Variants in CHD8 observed in about 807,000 individuals in gnomAD.
CHD8 encodes ATP-dependent chromatin remodeler CHD8.
CHD8 carries 31 observed loss-of-function variants against 279.2 expected under a neutral mutation model. The observed-to-expected ratio is 0.11, with a 90% CI of 0.08 to 0.15. CHD8 has a LOEUF of 0.15. CHD8 is among the 10% of genes least tolerant of loss of function. The pLI is 1.00. For missense variants in CHD8, 2,146 were observed against 3,230.5 expected, an observed-to-expected ratio of 0.66 and a Z score of 8.14; for synonymous variants, 1,081 against 1,139.6, an observed-to-expected ratio of 0.95 and a Z score of 1.04.
At chr14:21,451,578 A>C (rs1193275768) in intron 1 of CHD8, among the ~76,000 whole-genome samples, 2 of 118,638 alleles carry the variant, frequency 1.7e-5, no homozygotes. Flanking sequence ...TCTCAAAAAA[A>C]AAAAAAAAAA....
chr14:21,391,695 A>C, intron 35 of CHD8, 53 bp from the exon 36 acceptor site: 1 of 510,184 alleles, frequency 2.0e-6, no homozygotes, highest in Non-Finnish European at 3.9e-6. Context: ...TGGGGGAGGG[A>C]GGGAGGGGGA....
rs1180639493 is a variant in CHD8, at chr14:21,385,747, C to T, written c.7612G>A (p.Glu2538Lys). ...TCTTCTTCATCCTCATCGTCATCCT[C>T]CTCAGGTTGCAGTGGTGGCAACCGC... ...TLRLPPLQPE[E>K]DDDEDEEDDD... Residue 2538 changes from glutamate (E) to lysine (K), a missense_variant, in exon 38 of 38, where the codon GAG (glutamate) becomes AAG (lysine). Physicochemically the swap from Glu to Lys is moderately conservative, Grantham distance 56 (BLOSUM62 1). Transcript: ENST00000646647. 6.4e-7 allele frequency: 1 copy of T among 1,551,286 alleles called. No homozygotes were observed. Among genetic ancestry groups the T allele is most frequent in the African/African-American group, 1.4e-5 (1 of 72,870 alleles).
intron 1 of CHD8, among the ~76,000 whole-genome samples, chr14:21,454,162 A>G (rs866187742): frequency 1.0e-4 from 13 of 127,016 alleles, no homozygotes; most frequent in Non-Finnish European, 1.5e-4. Flanking sequence ...CGTCTCAAAA[A>G]AAAAGAAAAG....
At chr14:21,437,332 G>C (rs927976966) in intron 1 of CHD8, 3 of 1,036,848 alleles carry the variant, frequency 2.9e-6, no homozygotes, top group Non-Finnish European at 2.4e-6. Context: ...ACTCACCAAA[G>C]GCGAAAAGAC....
chr14:21,394,250 C>A, intron 31 of CHD8, 27 bp downstream of exon 31: 1 of 1,613,674 alleles, frequency 6.2e-7, no homozygotes, highest in Non-Finnish European at 8.5e-7. Context: ...TGGCATCCAT[C>A]CTCACCCACT....
chr14:21,399,234 C>T, intron 26 of CHD8: 2 of 298,556 alleles, frequency 6.7e-6, no homozygotes, highest in South Asian at 3.1e-5. Flanking sequence ...TGCTAGTGCA[C>T]ATCCAGAGGA....
In CHD8 at chr14:21,395,802, A is replaced by G. The variant is rs1327693158; in HGVS notation, c.5127+15T>C. ...AGTAATAGAGAAAAGTGAGACTCAAATGAGAATTCCTTACCTCATCATCTT... is the reference window on the plus strand; with the variant it reads ...AGTAATAGAGAAAAGTGAGACTCAAGTGAGAATTCCTTACCTCATCATCTT... On this transcript the variant is annotated intron_variant, in intron 28 of 37. Coordinates refer to ENST00000646647, the MANE Select transcript of CHD8 (RefSeq NM_001170629.2). 1 of 1,516,142 alleles carries G rather than the reference A, an allele frequency of 6.6e-7. No individual in the cohort carries two copies. Among genetic ancestry groups the G allele is most frequent in the Admixed American group, 1.8e-5 (1 of 55,830 alleles). The allele number at this position is 1,516,142 out of a possible 1,614,324, so 93.9% of individuals were successfully genotyped here.
chr14:21,417,727 G>A (rs538301069), intron 5 of CHD8, among the ~76,000 whole-genome samples: 473 of 151,560 alleles, frequency 3.1e-3, no homozygotes, highest in African/African-American at 0.011. Flanking sequence ...GGTGGCGGGC[G>A]CCTGTAGTCC....
intron 1 of CHD8, among the ~76,000 whole-genome samples, chr14:21,443,994 G>A (rs73579692): frequency 0.042 from 6,307 of 151,654 alleles, 441 homozygotes; most frequent in African/African-American, 0.14. Flanking sequence ...ATTATGTGTA[G>A]TCCTCTTTTA....
intron 29 of CHD8, 50 bp from the exon 30 acceptor site, chr14:21,395,169 G>A: frequency 6.4e-7 from 1 of 1,566,406 alleles, no homozygotes; most frequent in South Asian, 1.1e-5. Flanking sequence ...GGGTAGTAGA[G>A]GCAATACTAG....
At chr14:21,437,249 T>C in intron 1 of CHD8, 2 of 1,159,848 alleles carry the variant, frequency 1.7e-6, no homozygotes, top group Non-Finnish European at 2.2e-6. Flanking sequence ...CAGCACCAGT[T>C]CCCCCTCCTC....
chr14:21,408,664 A>G lies in CHD8; in HGVS notation c.2486+40T>C, dbSNP rs759339481. 13 of 1,589,604 alleles carry G rather than the reference A, an allele frequency of 8.2e-6. No homozygotes were observed. The African/African-American group carries it at 1.5e-4, about 18-fold the overall frequency. ...ATAGAAAACAAATAAAAATAATCCC[A>G]GAACTAAGCTTACATCTTATGGCCC... On this transcript the variant is annotated intron_variant, in intron 12 of 37. Transcript: ENST00000646647. The surrounding 1 kb of genome is among the most constrained non-coding windows in gnomAD (Gnocchi z 4.3).
At chr14:21,392,158 G>A (rs373765021) in intron 34 of CHD8, 4 of 760,308 alleles carry the variant, frequency 5.3e-6, no homozygotes, top group African/African-American at 5.1e-5. Context: ...GTGCCCCTCA[G>A]CATTTACGAG....
chr14:21,420,239 A>G (rs891285368), intron 5 of CHD8, among the ~76,000 whole-genome samples: 7 of 152,242 alleles, frequency 4.6e-5, no homozygotes, highest in Admixed American at 1.3e-4. Context: ...AGTGCCAGGA[A>G]GTGGACAAGA....
intron 5 of CHD8, among the ~76,000 whole-genome samples, chr14:21,421,505 T>A (rs1695772061): frequency 6.6e-6 from 1 of 152,150 alleles, no homozygotes; most frequent in South Asian, 2.1e-4. Context: ...AATACATATA[T>A]CACTGCATTC....
chr14:21,429,160 A>G lies in CHD8; in HGVS notation c.1019T>C (p.Ile340Thr). The change falls in exon 3 of 38, where the codon ATC becomes ACC. Residue 340 changes from isoleucine (I) to threonine (T), a missense_variant. By Grantham distance (89) the Ile-to-Thr change is moderately conservative. Transcript: ENST00000646647. ...CTGTGGCTGCTGCACCTGCAGCTGG[A>G]TAGTTACTACCTTGGCAGGCTGCCC... Reference protein sequence around the residue: ...AQGQPAKVVTIQLQVQQPQQK... With the variant: ...AQGQPAKVVTTQLQVQQPQQK... 6.2e-7 allele frequency: 1 copy of G among 1,613,964 alleles called. No individual in the cohort carries two copies. The highest frequency in any genetic ancestry group is 8.5e-7 in the Non-Finnish European group (1 of 1,179,876).
chr14:21,389,494 C>T (rs1887433373), intron 37 of CHD8, among the ~76,000 whole-genome samples: 1 of 151,912 alleles, frequency 6.6e-6, no homozygotes, highest in Non-Finnish European at 1.5e-5. Flanking sequence ...GCCAGTGGTC[C>T]CAGCTACTTG....
chr14:21,437,048 A>G, intron 1 of CHD8: 8 of 464,422 alleles, frequency 1.7e-5, no homozygotes, highest in East Asian at 1.1e-4. Context: ...GGGATGGCCA[A>G]GACGGGAAGA....
At chr14:21,451,269 T>TG (rs1890248108) in intron 1 of CHD8, among the ~76,000 whole-genome samples, 2 of 152,096 alleles carry the variant, frequency 1.3e-5, no homozygotes, top group African/African-American at 4.8e-5. Flanking sequence ...TGCTGAAGAC[T>TG]AATGTAAAAG....
Sources: allele counts gnomAD v4.1 joint callset (sites outside exome capture counted in the v4.1 genomes callset), GRCh38; gene constraint gnomAD v4.1.1; non-coding constraint Gnocchi (gnomAD v3.1); transcripts MANE v1.5; gene names NCBI Gene and HGNC (gene_info 2026-07-23, HGNC 2026-07-21).